CYYR1: variants seen among roughly 807,000 people sequenced by gnomAD.
CYYR1 encodes the protein cysteine and tyrosine rich 1.
A neutral mutation model predicts 15.2 loss-of-function variants in CYYR1; 14 were observed. The ratio of observed to expected loss-of-function variants is 0.92; its 90% confidence interval spans 0.61 to 1.44. CYYR1 has a LOEUF of 1.44. Among genes scored for constraint, CYYR1 ranks in the 40% most tolerant of loss-of-function variants. The pLI is 0.00. For synonymous variants in CYYR1, 80 were observed against 77.4 expected (o/e 1.03, Z -0.18); for missense variants, 228 against 209.5 (o/e 1.09, Z -0.54).
At chr21:26,518,274 C>T (rs1457623778) in intron 2 of CYYR1, among the ~76,000 whole-genome samples, 2 of 152,190 alleles carry the variant, frequency 1.3e-5, no homozygotes, top group East Asian at 3.9e-4. Flanking sequence ...CTGGTTTGAA[C>T]GTCTGTTCCA....
chr21:26,563,255 A>G (rs1483858739), intron 2 of CYYR1, among the ~76,000 whole-genome samples: 1 of 152,090 alleles, frequency 6.6e-6, no homozygotes, highest in South Asian at 2.1e-4. Context: ...AAATTCACTC[A>G]TATTTAGAAT....
chr21:26,503,130 C>G (rs952093474), intron 2 of CYYR1, among the ~76,000 whole-genome samples: 3 of 152,124 alleles, frequency 2.0e-5, no homozygotes, highest in Non-Finnish European at 2.9e-5. Flanking sequence ...CAATCAGTCT[C>G]TATGACAATA....
chr21:26,547,575 C>T (rs1979059366), intron 2 of CYYR1, among the ~76,000 whole-genome samples: 1 of 152,128 alleles, frequency 6.6e-6, no homozygotes, highest in East Asian at 1.9e-4. Context: ...ACCATCTGTA[C>T]CCCAATGTGT....
At chr21:26,534,620 T>C (rs1019507385) in intron 2 of CYYR1, among the ~76,000 whole-genome samples, 4 of 152,020 alleles carry the variant, frequency 2.6e-5, no homozygotes, top group Admixed American at 2.6e-4. Context: ...CCTTGCACTA[T>C]AGACTGCCAT....
rs551418431 is a variant in CYYR1 at position 26,518,752 on chromosome 21, C to A, written c.177-38323G>T. The stretch of plus-strand genomic sequence containing the variant: ...TGACCAATATCATCCTAAAACTCAG[C>A]CTTCTGACACTTAACAAATGCTTCA... On this transcript the variant is annotated intron_variant, in intron 2 of 3. Transcript: ENST00000652641. 2.8e-4 allele frequency among the ~76,000 whole-genome samples: 42 copies of A among 152,288 alleles called. No individual in the cohort carries two copies. In the South Asian group the frequency reaches 7.5e-3, roughly 27 times the overall value.
chr21:26,474,316 G>C (rs1307324156), intron 3 of CYYR1, among the ~76,000 whole-genome samples: 1 of 151,432 alleles, frequency 6.6e-6, no homozygotes, highest in Non-Finnish European at 1.5e-5. Flanking sequence ...GCCTCCCAAA[G>C]TGCTGGGATT....
chr21:26,501,233 G>A (rs1323440321), intron 2 of CYYR1, among the ~76,000 whole-genome samples: 3 of 152,180 alleles, frequency 2.0e-5, no homozygotes, highest in African/African-American at 7.2e-5. Context: ...AGCTACTCGG[G>A]AGGCTGAAGC....
chr21:26,541,709 A>T (rs183715051), intron 2 of CYYR1, among the ~76,000 whole-genome samples: 7 of 152,340 alleles, frequency 4.6e-5, no homozygotes, highest in Admixed American at 2.6e-4. Flanking sequence ...TAAAAATAAC[A>T]GTTTGCATAG....
intron 3 of CYYR1, chr21:26,477,888 C>A: frequency 1.5e-6 from 2 of 1,291,144 alleles, no homozygotes; most frequent in South Asian, 3.0e-5. Context: ...TTACAGTAAC[C>A]CTACCAATAT....
At chr21:26,507,564 G>A (rs1252010593) in intron 2 of CYYR1, among the ~76,000 whole-genome samples, 2 of 152,134 alleles carry the variant, frequency 1.3e-5, no homozygotes, top group Admixed American at 1.3e-4. Context: ...CATCTGATGA[G>A]GTCAGCATTA....
chr21:26,486,548 G>T (rs563274804), intron 2 of CYYR1, among the ~76,000 whole-genome samples: 1 of 151,950 alleles, frequency 6.6e-6, no homozygotes, highest in Non-Finnish European at 1.5e-5. Flanking sequence ...TCCCCCCATC[G>T]CATTGCTTTT....
chr21:26,536,329 T>G (rs1456219978), intron 2 of CYYR1, among the ~76,000 whole-genome samples: 1 of 152,212 alleles, frequency 6.6e-6, no homozygotes, highest in Non-Finnish European at 1.5e-5. Context: ...TACACAGGCA[T>G]TAAGCCCTGC....
At chr21:26,518,088 G>C (rs984531466) in intron 2 of CYYR1, among the ~76,000 whole-genome samples, 2 of 152,170 alleles carry the variant, frequency 1.3e-5, no homozygotes, top group Non-Finnish European at 2.9e-5. Flanking sequence ...TAAGAAAGGA[G>C]TGATTTCAAA....
intron 1 of CYYR1, 99 bp from the exon 2 acceptor site, chr21:26,566,467 T>G (rs900772081): frequency 4.7e-6 from 4 of 846,774 alleles, no homozygotes; most frequent in Non-Finnish European, 3.8e-6. Flanking sequence ...ATGACCACCC[T>G]TTAGTGGTTT....
At chr21:26,516,736 A>C (rs559465316) in intron 2 of CYYR1, among the ~76,000 whole-genome samples, 40 of 152,368 alleles carry the variant, frequency 2.6e-4, no homozygotes, top group African/African-American at 8.7e-4. Flanking sequence ...TCCTTTGCTT[A>C]ACTGAATATT....
chr21:26,501,950 C>T (rs2065486818), intron 2 of CYYR1, among the ~76,000 whole-genome samples: 1 of 152,034 alleles, frequency 6.6e-6, no homozygotes, highest in Non-Finnish European at 1.5e-5. Flanking sequence ...GCTTGCTTGC[C>T]CTAGTGCCTC....
chr21:26,573,105 C>T lies in CYYR1; in HGVS notation c.-165G>A. 6.6e-7 allele frequency: 1 copy of T among 1,514,422 alleles called. No homozygotes were observed. Among genetic ancestry groups the T allele is most frequent in the Non-Finnish European group, 8.8e-7 (1 of 1,135,546 alleles). 93.8% of individuals were successfully genotyped at this position (1,514,422 alleles called of 1,614,324 possible). On this transcript the variant is annotated 5_prime_UTR_variant, in exon 1 of 4. Transcript: ENST00000652641. ...CTTCCAAGGGAGCCCGGGCCGGGCG[C>T]GTCCCGGGCCAGCGACTGCGGGACT...
intron 2 of CYYR1, among the ~76,000 whole-genome samples, chr21:26,562,799 A>AACACAAACACACAC (rs1555912083): frequency 7.5e-6 from 1 of 132,492 alleles, no homozygotes; most frequent in East Asian, 2.3e-4. Flanking sequence ...GACATACACA[A>AACACAAACACACAC]ACACACACAC....
chr21:26,542,827 G>A (rs933691589), intron 2 of CYYR1, among the ~76,000 whole-genome samples: 24 of 151,964 alleles, frequency 1.6e-4, no homozygotes, highest in African/African-American at 5.3e-4. Context: ...TTCATACTCT[G>A]CAGCAACAAA....
Sources: allele counts gnomAD v4.1 joint callset (sites outside exome capture counted in the v4.1 genomes callset), GRCh38; gene constraint gnomAD v4.1.1; transcripts MANE v1.5; gene names NCBI Gene and HGNC (gene_info 2026-07-23, HGNC 2026-07-21).